The following PPP4R3A variants were observed in gnomAD, a reference collection of about 807,000 sequenced individuals.
The protein encoded by PPP4R3A is serine/threonine-protein phosphatase 4 regulatory subunit 3A.
Under a neutral mutation model 91.7 loss-of-function variants are expected in PPP4R3A, and 15 were observed. The ratio of observed to expected loss-of-function variants is 0.16; its 90% CI spans 0.11 to 0.25. The LOEUF is 0.25. Among genes scored for constraint, PPP4R3A ranks in the 10% least tolerant of loss-of-function variants. PPP4R3A has a pLI of 1.00. For missense variants in PPP4R3A, 623 were observed against 998.4 expected (o/e 0.62, Z 5.07); for synonymous variants, 377 against 348.7 (o/e 1.08, Z -0.91).
At chr14:91,475,537 A>G (rs979475395) in intron 7 of PPP4R3A, 13 of 297,964 alleles carry the variant, frequency 4.4e-5, no homozygotes. Flanking sequence ...GATTTAAAAA[A>G]CACAATATAG....
At chr14:91,481,212 G>A (rs1198347849) in intron 4 of PPP4R3A, among the ~76,000 whole-genome samples, 5 of 152,092 alleles carry the variant, frequency 3.3e-5, no homozygotes, top group African/African-American at 4.8e-5. Flanking sequence ...CACACCTGTG[G>A]TCCCAGCTAC....
At chr14:91,466,491 C>G in intron 10 of PPP4R3A, 1 of 942,200 alleles carries the variant, frequency 1.1e-6, no homozygotes, top group Non-Finnish European at 1.3e-6. Context: ...CAAGTGAATG[C>G]CCAATTAGGT....
rs1383498780 is a variant in PPP4R3A at position 91,507,396 on chromosome 14, T to TATATATA, written c.142+2109_142+2110insTATATAT. Among the ~76,000 whole-genome samples, 4 of 50,996 alleles carry TATATATA rather than the reference T, an allele frequency of 7.8e-5. 1 individual carries two copies. The highest frequency in any genetic ancestry group is 2.0e-4 in the African/African-American group (4 of 20,410). The allele number at this position is 50,996 out of a possible 152,430, so 33.5% of individuals were successfully genotyped here. A position where few individuals can be genotyped will look rare whatever the true frequency, so the allele number is the denominator to read the frequency against. On this transcript the variant is annotated intron_variant, in intron 1 of 14. Transcript: ENST00000554943. ...AATTATATATACTATATAGTATATG[T>TATATATA]ACTATAATTATATATACTATATAAT...
At chr14:91,462,552 A>T (rs962533141) in intron 12 of PPP4R3A, among the ~76,000 whole-genome samples, 183 bp downstream of exon 12, 1 of 147,868 alleles carries the variant, frequency 6.8e-6, no homozygotes, top group Non-Finnish European at 1.5e-5. Context: ...GAGGTATTAT[A>T]CTAATAACCA....
intron 1 of PPP4R3A, among the ~76,000 whole-genome samples, chr14:91,494,734 T>C (rs1280416261): frequency 6.6e-6 from 1 of 152,090 alleles, no homozygotes; most frequent in Non-Finnish European, 1.5e-5. Flanking sequence ...GGCATCGTTG[T>C]GCATGTCTTT....
intron 4 of PPP4R3A, 120 bp downstream of exon 4, chr14:91,481,456 T>C (rs991754831): frequency 2.8e-6 from 3 of 1,053,558 alleles, no homozygotes; most frequent in Admixed American, 6.8e-5. Flanking sequence ...TCTCTTAAAA[T>C]AACTCACAAT....
At chr14:91,485,589 A>G (rs770764502) in intron 3 of PPP4R3A, 43 bp downstream of exon 3, 2 of 1,404,226 alleles carry the variant, frequency 1.4e-6, no homozygotes, top group Non-Finnish European at 9.8e-7. Context: ...AAAAAACTAA[A>G]CACTTAAAGA....
At chr14:91,501,480 C>A (rs922126519) in intron 1 of PPP4R3A, among the ~76,000 whole-genome samples, 23 of 151,974 alleles carry the variant, frequency 1.5e-4, no homozygotes, top group African/African-American at 5.6e-4. Context: ...ATAAGGTGAC[C>A]CCATCTCTAC....
chr14:91,474,804 G>A (rs1308552321), intron 7 of PPP4R3A: 4 of 151,892 alleles, frequency 2.6e-5, no homozygotes, highest in African/African-American at 7.3e-5. Context: ...AATTAATTTT[G>A]TACTAAAGGA....
chr14:91,481,135 C>T (rs745365706), intron 4 of PPP4R3A, among the ~76,000 whole-genome samples: 5 of 152,096 alleles, frequency 3.3e-5, no homozygotes, highest in Non-Finnish European at 7.3e-5. Flanking sequence ...AGGTTTGAGG[C>T]CAGCCTGGGC....
In PPP4R3A at chr14:91,509,703, C is replaced by T. The variant is rs779631779; in HGVS notation, c.-56G>A. 1 of 1,561,588 alleles carries T rather than the reference C, an allele frequency of 6.4e-7. No individual in the cohort carries two copies. Among genetic ancestry groups the T allele is most frequent in the Admixed American group, 1.8e-5 (1 of 55,854 alleles). On this transcript the variant is annotated 5_prime_UTR_variant, in exon 1 of 15. Transcript: ENST00000554943. ...CGCCAGTAGACGCCCAGGAAAGGGG[C>T]CCTGGAGAGGCGAGGGGCGAGGCGT...
intron 1 of PPP4R3A, among the ~76,000 whole-genome samples, chr14:91,504,638 G>A (rs1250619057): frequency 2.6e-5 from 4 of 151,890 alleles, no homozygotes; most frequent in African/African-American, 9.7e-5. Context: ...CAAAAGGGAC[G>A]TGTTCTTACA....
intron 1 of PPP4R3A, among the ~76,000 whole-genome samples, chr14:91,507,444 C>CTATAGTTA (rs1891424534): frequency 7.6e-6 from 1 of 131,978 alleles, no homozygotes; most frequent in African/African-American, 3.1e-5. Context: ...ATTATATATA[C>CTATAGTTA]TATATAGTAT....
At chr14:91,461,336 C>T in intron 14 of PPP4R3A, 45 bp downstream of exon 14, 1 of 1,552,148 alleles carries the variant, frequency 6.4e-7, no homozygotes, top group Non-Finnish European at 8.9e-7. Flanking sequence ...GTTGAGAAAG[C>T]TTCAATTGGG....
chr14:91,482,699 A>G (rs1889644746), intron 3 of PPP4R3A, among the ~76,000 whole-genome samples: 1 of 152,228 alleles, frequency 6.6e-6, no homozygotes, highest in African/African-American at 2.4e-5. Context: ...GAAAATATAT[A>G]TAATTATAAG....
At chr14:91,484,987 TC>T (rs1889798508) in intron 3 of PPP4R3A, among the ~76,000 whole-genome samples, 2 of 151,940 alleles carry the variant, frequency 1.3e-5, no homozygotes, top group African/African-American at 4.8e-5. Context: ...GGCTGAATAG[TC>T]AGTCAACAGC....
At chr14:91,459,127 C>G (rs938911247) in intron 14 of PPP4R3A, among the ~76,000 whole-genome samples, 109 of 151,920 alleles carry the variant, frequency 7.2e-4, no homozygotes, top group African/African-American at 2.6e-3. Context: ...TTTTCCAAGT[C>G]GGAGTCTCGC....
intron 1 of PPP4R3A, among the ~76,000 whole-genome samples, chr14:91,507,330 A>C (rs1489490034): frequency 1.5e-5 from 2 of 132,268 alleles, no homozygotes; most frequent in Non-Finnish European, 3.1e-5. Flanking sequence ...TCAAAAAAAA[A>C]ATCTATACAT....
chr14:91,487,020 G>A (rs1406374549), intron 2 of PPP4R3A, among the ~76,000 whole-genome samples: 1 of 151,920 alleles, frequency 6.6e-6, no homozygotes, highest in Non-Finnish European at 1.5e-5. Context: ...GCCAAGGCAG[G>A]CGGATCACCT....
Sources: gnomAD v4.1 joint callset for allele counts (sites outside exome capture counted in the v4.1 genomes callset) on GRCh38, gnomAD v4.1.1 for gene constraint, MANE v1.5 for transcripts, NCBI Gene and HGNC (gene_info 2026-07-23, HGNC 2026-07-21) for gene names.